PABPC4L: variants seen among roughly 807,000 people sequenced by gnomAD.
PABPC4L encodes the protein polyadenylate-binding protein 4-like.
For synonymous variants in PABPC4L, 169 were observed against 164.1 expected, an observed-to-expected ratio of 1.03 and a Z score of -0.23; for missense variants, 452 against 451.4, an observed-to-expected ratio of 1.00 and a Z score of -0.01.
chr4:134,144,138 T>G, the PABPC4L span, among the ~76,000 whole-genome samples: 1 of 151,700 alleles, frequency 6.6e-6, no homozygotes, highest in African/African-American at 2.4e-5. Flanking sequence ...CCTTTTTCTT[T>G]GTAGTTTTTA....
the PABPC4L span, among the ~76,000 whole-genome samples, chr4:133,951,016 A>G: frequency 2.0e-4 from 30 of 152,188 alleles, no homozygotes; most frequent in Non-Finnish European, 3.7e-4. Context: ...ACTGGTTAAG[A>G]GCATATAATT....
the PABPC4L span, among the ~76,000 whole-genome samples, chr4:134,156,562 G>T: frequency 6.6e-6 from 1 of 151,740 alleles, no homozygotes; most frequent in East Asian, 1.9e-4. Flanking sequence ...TCTGGAAAGA[G>T]AAACAATTAG....
At chr4:134,110,559 TTGTGTG>T in the PABPC4L span, among the ~76,000 whole-genome samples, 3,559 of 144,654 alleles carry the variant, frequency 0.025, 55 homozygotes, top group African/African-American at 0.04. Context: ...TCTCTCTGTC[TTGTGTG>T]TGTGTGTGTG....
the PABPC4L span, among the ~76,000 whole-genome samples, chr4:134,036,426 A>G: frequency 8.5e-5 from 13 of 152,244 alleles, no homozygotes; most frequent in African/African-American, 2.6e-4. Context: ...GGATTTTAAA[A>G]AGTAATCATA....
At chr4:134,144,612 T>C in the PABPC4L span, among the ~76,000 whole-genome samples, 1 of 151,402 alleles carries the variant, frequency 6.6e-6, no homozygotes. Flanking sequence ...AGTCTTTTTA[T>C]ATGAAAGAAA....
the PABPC4L span, among the ~76,000 whole-genome samples, chr4:134,011,058 C>T: frequency 6.6e-5 from 10 of 152,194 alleles, no homozygotes; most frequent in African/African-American, 2.4e-4. Flanking sequence ...CCAAATAATA[C>T]ATTCCTCTGA....
At chr4:134,004,413 G>T in the PABPC4L span, among the ~76,000 whole-genome samples, 1 of 151,874 alleles carries the variant, frequency 6.6e-6, no homozygotes, top group Non-Finnish European at 1.5e-5. Flanking sequence ...TCAGTCATCA[G>T]GGAAATGCAT....
the PABPC4L span, among the ~76,000 whole-genome samples, chr4:134,133,362 A>C: frequency 7.0e-6 from 1 of 142,670 alleles, no homozygotes; most frequent in Non-Finnish European, 1.5e-5. Flanking sequence ...CTTATATATA[A>C]TTGTTATATA....
At chr4:134,113,732 A>T in the PABPC4L span, among the ~76,000 whole-genome samples, 1 of 151,880 alleles carries the variant, frequency 6.6e-6, no homozygotes, top group African/African-American at 2.4e-5. Context: ...TACTGAGCTG[A>T]TGCTTGAACT....
chr4:134,053,898 G>T, the PABPC4L span, among the ~76,000 whole-genome samples: 54,092 of 151,570 alleles, frequency 0.36, 11,858 homozygotes, highest in East Asian at 0.92. Flanking sequence ...AGGTCCTGAT[G>T]CTTCTTCCTC....
At chr4:134,030,235 G>T in the PABPC4L span, among the ~76,000 whole-genome samples, 1 of 151,962 alleles carries the variant, frequency 6.6e-6, no homozygotes, top group Non-Finnish European at 1.5e-5. Context: ...TTTGGAACTG[G>T]GTAACAGGCA....
At chr4:134,097,322 G>A in the PABPC4L span, among the ~76,000 whole-genome samples, 229 of 151,954 alleles carry the variant, frequency 1.5e-3, no homozygotes, top group African/African-American at 5.3e-3. Flanking sequence ...CTAAACAGCT[G>A]AACATCAGAC....
the PABPC4L span, among the ~76,000 whole-genome samples, chr4:134,114,587 G>A: frequency 6.6e-6 from 1 of 151,700 alleles, no homozygotes; most frequent in Non-Finnish European, 1.5e-5. Flanking sequence ...TAACTGCCCT[G>A]GGTGTGCCTG....
At chr4:134,176,512 A>G in the PABPC4L span, among the ~76,000 whole-genome samples, 30 of 152,072 alleles carry the variant, frequency 2.0e-4, no homozygotes, top group Non-Finnish European at 8.8e-5. Context: ...TAATAAGCAA[A>G]TGTAGAAACA....
the PABPC4L span, among the ~76,000 whole-genome samples, chr4:134,009,600 C>T: frequency 1.3e-5 from 2 of 152,004 alleles, no homozygotes; most frequent in African/African-American, 4.8e-5. Flanking sequence ...GAAGGAAACA[C>T]TGCTAGGTTT....
chr4:133,971,802 C>G, the PABPC4L span, among the ~76,000 whole-genome samples: 1 of 152,128 alleles, frequency 6.6e-6, no homozygotes, highest in African/African-American at 2.4e-5. Flanking sequence ...TGCTTTTTCT[C>G]CCCGTTTTCA....
the PABPC4L span, among the ~76,000 whole-genome samples, chr4:134,190,934 G>A: frequency 2.9e-4 from 44 of 152,234 alleles, no homozygotes; most frequent in African/African-American, 1.0e-3. Context: ...TTACAGGCGT[G>A]AGGCTCTGCA....
chr4:134,125,896 A>C, the PABPC4L span, among the ~76,000 whole-genome samples: 1 of 152,138 alleles, frequency 6.6e-6, no homozygotes, highest in Non-Finnish European at 1.5e-5. Flanking sequence ...ACATTCACAC[A>C]CAGAGCTATT....
the PABPC4L span, among the ~76,000 whole-genome samples, chr4:134,123,298 C>G: frequency 1.3e-5 from 2 of 152,088 alleles, no homozygotes; most frequent in African/African-American, 4.8e-5. Context: ...CATCTCAGAA[C>G]TATGCTTAGA....
Sources: gnomAD v4.1 joint callset for allele counts (sites outside exome capture counted in the v4.1 genomes callset) on GRCh38, gnomAD v4.1.1 for gene constraint, MANE v1.5 for transcripts, NCBI Gene and HGNC (gene_info 2026-07-23, HGNC 2026-07-21) for gene names.